EPHA6: variants seen among roughly 807,000 people sequenced by gnomAD.
The protein encoded by EPHA6 is EPH receptor A6, also known as ephrin type-A receptor 6.
EPHA6 carries 50 observed loss-of-function variants against 112.0 expected under a neutral mutation model. The observed-to-expected ratio is 0.45, with a 90% confidence interval of 0.36 to 0.56. The LOEUF is 0.56. EPHA6 is among the 20% of genes least tolerant of loss of function. The pLI, the probability that EPHA6 is intolerant of heterozygous loss-of-function variation, is 0.00. For missense variants in EPHA6, 1,280 were observed against 1,417.4 expected (o/e 0.90, Z 1.56); for synonymous variants, 529 against 490.7 (o/e 1.08, Z -1.03).
At chr3:96,918,305 C>T (rs1385821234) in intron 2 of EPHA6, among the ~76,000 whole-genome samples, 1 of 152,126 alleles carries the variant, frequency 6.6e-6, no homozygotes, top group Non-Finnish European at 1.5e-5. Context: ...TCTAAGTTTA[C>T]ATGTTAAACT....
chr3:97,202,807 A>G lies in EPHA6; in HGVS notation c.1115-23457A>G, dbSNP rs1383827570. 2.6e-5 allele frequency among the ~76,000 whole-genome samples: 4 copies of G among 152,160 alleles called. No homozygotes were observed. In the East Asian group the frequency reaches 7.7e-4, roughly 29 times the overall value. ...GTACTATGGATAAATCATAAATAAG[A>G]ATAATGTTTTCTGCTCTTGAGAATA... is the stretch of plus-strand genomic sequence containing the variant. On this transcript the variant is annotated intron_variant, in intron 3 of 17. Transcript: ENST00000389672.
chr3:97,292,534 C>T (rs1293379949), intron 5 of EPHA6, among the ~76,000 whole-genome samples: 2 of 152,218 alleles, frequency 1.3e-5, no homozygotes, highest in Non-Finnish European at 2.9e-5. Context: ...GTCCTGACGA[C>T]GGTTCAGCTC....
At position 96,923,482 on chromosome 3, in the gene EPHA6, GT is replaced by G. The variant is rs545077444; in HGVS notation, c.450+56604del. On this transcript the variant is annotated intron_variant, in intron 2 of 17. Transcript: ENST00000389672. ...TCATGTCCTTTGCCTACTATTTAAG[GT>G]TTTTTTTTTTCCTTTAGTTTCTTTA... 2.4e-3 allele frequency among the ~76,000 whole-genome samples: 357 copies of G among 146,776 alleles called. 3 individuals carry two copies. Among genetic ancestry groups the G allele is most frequent in the East Asian group, 0.017 (87 of 5,000 alleles).
chr3:97,470,011 A>G (rs901230848), intron 7 of EPHA6, among the ~76,000 whole-genome samples: 1 of 151,622 alleles, frequency 6.6e-6, no homozygotes, highest in African/African-American at 2.4e-5. Context: ...CGTGGCCCAA[A>G]TGATAACAAT....
At chr3:97,075,067 A>G (rs943519568) in intron 3 of EPHA6, among the ~76,000 whole-genome samples, 2 of 151,948 alleles carry the variant, frequency 1.3e-5, no homozygotes, top group Admixed American at 6.6e-5. Flanking sequence ...TTTACCAGCA[A>G]TTAGGACTAC....
intron 3 of EPHA6, among the ~76,000 whole-genome samples, chr3:97,119,635 T>C (rs775862512): frequency 1.3e-5 from 2 of 152,040 alleles, no homozygotes; most frequent in Non-Finnish European, 2.9e-5. Context: ...AGGAGGATTC[T>C]GAGTGATTAC....
intron 5 of EPHA6, among the ~76,000 whole-genome samples, chr3:97,263,798 G>A (rs989819454): frequency 2.0e-5 from 3 of 152,058 alleles, no homozygotes; most frequent in African/African-American, 7.2e-5. Flanking sequence ...TATAATGTGT[G>A]GCAGGTAAAC....
intron 5 of EPHA6, among the ~76,000 whole-genome samples, chr3:97,343,455 C>CA (rs1412005370): frequency 6.6e-6 from 1 of 151,870 alleles, no homozygotes; most frequent in Non-Finnish European, 1.5e-5. Context: ...AATTGTTAGG[C>CA]AAAAATAAAT....
In EPHA6 at chr3:97,759,240, CTTCACAAGGTCATCA is replaced by C. The variant is rs900472669; in HGVS notation, c.*10540_*10554del. 2.0e-5 allele frequency among the ~76,000 whole-genome samples: 3 copies of C among 151,822 alleles called. No homozygotes were observed. Among genetic ancestry groups the C allele is most frequent in the African/African-American group, 4.8e-5 (2 of 41,364 alleles). ...CATGGAAGTTGTTGTTGTTGATGAC[CTTCACAAGGTCATCA>C]ACTATGAAAATAGTGGAGTCAACTA... On this transcript the variant is annotated 3_prime_UTR_variant, in exon 18 of 18. Coordinates refer to ENST00000389672, the MANE Select transcript of EPHA6 (RefSeq NM_001080448.3).
intron 2 of EPHA6, among the ~76,000 whole-genome samples, chr3:96,922,836 T>C (rs1191712324): frequency 1.3e-5 from 2 of 152,154 alleles, no homozygotes; most frequent in Non-Finnish European, 2.9e-5. Context: ...CCAGTATGTG[T>C]TGTTTCACCG....
chr3:97,024,145 G>T (rs1390422155), intron 3 of EPHA6, among the ~76,000 whole-genome samples: 1 of 151,960 alleles, frequency 6.6e-6, no homozygotes, highest in Non-Finnish European at 1.5e-5. Flanking sequence ...ACTCTATTGA[G>T]ACCTAGTATA....
chr3:97,294,574 T>C (rs1308165668), intron 5 of EPHA6, among the ~76,000 whole-genome samples: 1 of 152,226 alleles, frequency 6.6e-6, no homozygotes, highest in African/African-American at 2.4e-5. Context: ...GCCTTTCATA[T>C]TTTGTACTTA....
intron 2 of EPHA6, among the ~76,000 whole-genome samples, chr3:96,888,212 A>G (rs1445286303): frequency 6.6e-6 from 1 of 152,236 alleles, no homozygotes; most frequent in Admixed American, 6.5e-5. Context: ...CTGTGGTGCC[A>G]GGCAGGAATG....
chr3:96,820,829 A>G (rs1049108154), intron 1 of EPHA6, among the ~76,000 whole-genome samples: 5 of 152,028 alleles, frequency 3.3e-5, no homozygotes, highest in African/African-American at 4.8e-5. Flanking sequence ...CGACTGTACA[A>G]GTATGTAGGG....
chr3:97,489,373 ACT>A (rs1212256219), intron 10 of EPHA6, among the ~76,000 whole-genome samples: 2 of 151,978 alleles, frequency 1.3e-5, no homozygotes, highest in Non-Finnish European at 2.9e-5. Context: ...ATGTCAACAA[ACT>A]CTTTTTCTTT....
At chr3:97,337,403 T>C (rs1017661148) in intron 5 of EPHA6, among the ~76,000 whole-genome samples, 2 of 152,176 alleles carry the variant, frequency 1.3e-5, no homozygotes, top group East Asian at 3.9e-4. Context: ...CCTGACCCAT[T>C]TACTAAGTCA....
chr3:96,825,286 C>A (rs919614559), intron 1 of EPHA6, among the ~76,000 whole-genome samples: 5 of 150,380 alleles, frequency 3.3e-5, no homozygotes, highest in African/African-American at 4.9e-5. Flanking sequence ...AAAGCTTTAT[C>A]TTACCCTTTA....
At chr3:96,893,776 T>G (rs2038110270) in intron 2 of EPHA6, among the ~76,000 whole-genome samples, 1 of 152,160 alleles carries the variant, frequency 6.6e-6, no homozygotes, top group African/African-American at 2.4e-5. Flanking sequence ...AGCAAAAAGA[T>G]TGTTTGCTAT....
chr3:97,712,806 A>C (rs549001598), intron 14 of EPHA6, among the ~76,000 whole-genome samples: 1 of 152,212 alleles, frequency 6.6e-6, no homozygotes, highest in Non-Finnish European at 1.5e-5. Context: ...AACAACAAAA[A>C]ATTAGCATTC....
Sources: gnomAD v4.1 joint callset for allele counts (sites outside exome capture counted in the v4.1 genomes callset) on GRCh38, gnomAD v4.1.1 for gene constraint, MANE v1.5 for transcripts, NCBI Gene and HGNC (gene_info 2026-07-23, HGNC 2026-07-21) for gene names.